The following TPR variants were observed in gnomAD, a reference collection of about 807,000 sequenced individuals.
TPR encodes the protein nucleoprotein TPR.
A neutral mutation model predicts 316.1 loss-of-function variants in TPR; 51 were observed. That is an observed-to-expected ratio of 0.16 (90% CI 0.13 to 0.20). The LOEUF (loss-of-function observed/expected upper bound fraction) is 0.20, where lower values mean the gene tolerates loss of function less well. Among genes scored for constraint, TPR ranks in the 10% least tolerant of loss-of-function variants. The pLI is 1.00. For synonymous variants in TPR, 981 were observed against 914.7 expected, an observed-to-expected ratio of 1.07 and a Z score of -1.31; for missense variants, 2,272 against 2,754.8, an observed-to-expected ratio of 0.82 and a Z score of 3.92.
chr1:186,351,594 A>C (rs1658863846), intron 19 of TPR, 124 bp from the exon 20 acceptor site: 1 of 1,004,962 alleles, frequency 1.0e-6, no homozygotes, highest in Non-Finnish European at 1.4e-6. Context: ...TAAAATCTAC[A>C]GTATTTATCA....
chr1:186,356,336 A>G lies in TPR; in HGVS notation c.1838T>C (p.Met613Thr). The change falls in exon 15 of 51, where the codon ATG becomes ACG. Residue 613 changes from methionine to threonine, a missense_variant. Transcript: ENST00000367478. ...TGTTTGTGACAATAAAATACGGTACATATCACGCTGACGAACTATGGAATC... is the reference window on the plus strand; with the variant it reads ...TGTTTGTGACAATAAAATACGGTACGTATCACGCTGACGAACTATGGAATC... ...LVDSIVRQRD[M>T]YRILLSQTTG... is the part of the protein sequence containing the mutation. The G allele has an allele frequency of 1.2e-6, 2 of 1,613,746 alleles. No individual in the cohort carries two copies. The highest frequency in any genetic ancestry group is 1.7e-6 in the Non-Finnish European group (2 of 1,179,774).
At chr1:186,343,204 T>C (rs1658562309) in intron 27 of TPR, 122 bp downstream of exon 27, 13 of 1,305,320 alleles carry the variant, frequency 1.0e-5, no homozygotes, top group Non-Finnish European at 1.3e-5. Context: ...GCTTAATGAA[T>C]TTACAAGTTT....
chr1:186,312,515 C>T lies in TPR; in HGVS notation c.*1456G>A. On this transcript the variant is annotated 3_prime_UTR_variant, in exon 51 of 51. Transcript: ENST00000367478. Reference sequence around the variant, plus strand: ...TACTGATGAAAAACTCATCCACTTGCCTTAGTGAATAACCAAAGACCAATA... The same window carrying T: ...TACTGATGAAAAACTCATCCACTTGTCTTAGTGAATAACCAAAGACCAATA... 1.0e-5 allele frequency: 9 copies of T among 884,190 alleles called. No individual in the cohort carries two copies. The highest frequency in any genetic ancestry group is 1.4e-5 in the Non-Finnish European group (8 of 587,524). 54.8% of individuals were successfully genotyped at this position (884,190 alleles called of 1,614,324 possible).
At chr1:186,338,336 T>A (rs1658401051) in intron 30 of TPR, 93 bp from the exon 31 acceptor site, 5 of 1,075,104 alleles carry the variant, frequency 4.7e-6, no homozygotes, top group Non-Finnish European at 6.5e-6. Flanking sequence ...ACTGCTTTAA[T>A]AACTTTTTTT....
chr1:186,342,747 CA>C (rs1658547154), intron 27 of TPR: 1 of 152,148 alleles, frequency 6.6e-6, no homozygotes, highest in Non-Finnish European at 1.5e-5. Flanking sequence ...TGAAGTAACT[CA>C]ACAATAAGCT....
Position 186,313,867 on chromosome 1 carries a change from A to G in TPR, c.*104T>C. ...CATTTTATTAATAAAGAATATTGAC[A>G]TGAGTATACCAGTTTATATATAAAA... On this transcript the variant is annotated 3_prime_UTR_variant, in exon 51 of 51. Transcript: ENST00000367478. 2 of 1,459,346 alleles carry G rather than the reference A, an allele frequency of 1.4e-6. No homozygotes were observed. The highest frequency in any genetic ancestry group is 3.4e-5 in the Admixed American group (2 of 59,638). The allele number at this position is 1,459,346 out of a possible 1,614,324, so 90.4% of individuals were successfully genotyped here.
rs1658654129 is a variant in TPR, at chr1:186,345,659, T to C, written c.3134A>G (p.Asn1045Ser). 1.2e-6 allele frequency: 2 copies of C among 1,613,290 alleles called. No homozygotes were observed. Among genetic ancestry groups the C allele is most frequent in the Non-Finnish European group, 1.7e-6 (2 of 1,179,676 alleles). Residue 1045 changes from asparagine (N) to serine (S), a missense_variant, in exon 24 of 51, where the codon AAT becomes AGT. By Grantham distance (46) the Asn-to-Ser change is conservative. This residue lies in a region of TPR where 757 missense variants were observed against 859.8 expected (regional missense o/e 0.88). Coordinates refer to ENST00000367478, the MANE Select transcript of TPR (RefSeq NM_003292.3). ...TCTCTGAAGAGCTTCTTGTACTTCA[T>C]TCTGAACACTAGAAAGTGTTTTCTT... The part of the protein sequence containing the change: ...ELKKTLSSVQ[N>S]EVQEALQRAS...
At chr1:186,372,450 A>C (rs2101995195) in intron 2 of TPR, among the ~76,000 whole-genome samples, 1 of 152,210 alleles carries the variant, frequency 6.6e-6, no homozygotes, top group South Asian at 2.1e-4. Flanking sequence ...GCTGAGGCGC[A>C]AGAATCGCTT....
chr1:186,312,932 T>A lies in TPR; in HGVS notation c.*1039A>T. ...CTAACAGTTTCCCAAGGAGGTGATATCATTTGTGAAAACATGAAGATAAAG... is the reference window on the plus strand; with the variant it reads ...CTAACAGTTTCCCAAGGAGGTGATAACATTTGTGAAAACATGAAGATAAAG... On this transcript the variant is annotated 3_prime_UTR_variant, in exon 51 of 51. Transcript: ENST00000367478. The A allele has an allele frequency of 6.3e-7, 1 of 1,585,864 alleles. No individual in the cohort carries two copies.
chr1:186,326,370 AT>A (rs1657932914), intron 40 of TPR, 135 bp from the exon 41 acceptor site: 1 of 1,347,702 alleles, frequency 7.4e-7, no homozygotes, highest in African/African-American at 1.5e-5. Flanking sequence ...GTTGTATGGG[AT>A]TAGTACAGCA....
Position 186,362,900 on chromosome 1 carries a change from A to C in TPR, c.633T>G (p.Leu211=). ...LKTKTDELLA[L]GREKGNEILE... ...GAATCTCATTCCCTTTTTCTCTTCCAAGAGCCAGAAGTTCATCAGTTTTGG... is the reference window on the plus strand; with the variant it reads ...GAATCTCATTCCCTTTTTCTCTTCCCAGAGCCAGAAGTTCATCAGTTTTGG... Residue 211 remains leucine, a synonymous_variant, in exon 6 of 51, where the codon CTT becomes CTG. Coordinates refer to ENST00000367478, the MANE Select transcript of TPR (RefSeq NM_003292.3). The C allele has an allele frequency of 6.2e-7, 1 of 1,611,052 alleles. No homozygotes were observed. The highest frequency in any genetic ancestry group is 8.5e-7 in the Non-Finnish European group (1 of 1,178,834).
intron 18 of TPR, among the ~76,000 whole-genome samples, chr1:186,353,470 C>A (rs973685867): frequency 6.6e-6 from 1 of 152,132 alleles, no homozygotes; most frequent in African/African-American, 2.4e-5. Flanking sequence ...TATCTTAGCC[C>A]AGCAGAAAAA....
Position 186,362,335 on chromosome 1 carries a change from C to T in TPR, c.742G>A (p.Glu248Lys). ...TCCTCCACATGCTTTTGAAGATGTT[C>T]ATTTGATGTTTTTAAGCCATTCATT... ...EQMNGLKTSN[E>K]HLQKHVEDLL... Residue 248 changes from glutamate (E) to lysine (K), a missense_variant, in exon 7 of 51, where the codon GAA (glutamate) becomes AAA (lysine). Transcript: ENST00000367478. The T allele has an allele frequency of 6.2e-7, 1 of 1,612,234 alleles. No individual in the cohort carries two copies. The highest frequency in any genetic ancestry group is 8.5e-7 in the Non-Finnish European group (1 of 1,178,826).
At chr1:186,336,876 A>T in intron 32 of TPR, 137 bp downstream of exon 32, 1 of 1,395,568 alleles carries the variant, frequency 7.2e-7, no homozygotes, top group South Asian at 1.3e-5. Context: ...TACTACTTAC[A>T]TACATGAGCC....
intron 3 of TPR, among the ~76,000 whole-genome samples, chr1:186,368,767 TC>T (rs1259562124): frequency 6.6e-6 from 1 of 152,194 alleles, no homozygotes; most frequent in Non-Finnish European, 1.5e-5. Context: ...TTGATGTAGT[TC>T]CGTTTATTTC....
chr1:186,350,450 A>C (rs1658825810), intron 20 of TPR, 62 bp from the exon 21 acceptor site: 3 of 1,266,606 alleles, frequency 2.4e-6, no homozygotes, highest in Admixed American at 2.9e-5. Context: ...GGTTCAAACT[A>C]TCTTTTTATA....
chr1:186,350,432 TA>T (rs1194337387), intron 20 of TPR, 44 bp from the exon 21 acceptor site: 3 of 1,373,510 alleles, frequency 2.2e-6, no homozygotes, highest in Non-Finnish European at 2.9e-6. Context: ...GGTTCCTAAG[TA>T]ACTAAAGGTT....
rs765927737 is a variant in TPR, at chr1:186,313,654, TA to T, written c.*316del. The stretch of plus-strand genomic sequence containing the variant: ...GTTTGGGCATTGTTTTCTTTTTAAC[TA>T]AAAAAATGTTTTCTCTTCCATTTAG... On this transcript the variant is annotated 3_prime_UTR_variant, in exon 51 of 51. Coordinates refer to ENST00000367478, the MANE Select transcript of TPR (RefSeq NM_003292.3). 5 of 1,412,792 alleles carry T rather than the reference TA, an allele frequency of 3.5e-6. No homozygotes were observed. Among genetic ancestry groups the T allele is most frequent in the Admixed American group, 3.4e-5 (2 of 59,618 alleles). The allele number at this position is 1,412,792 out of a possible 1,614,324, so 87.5% of individuals were successfully genotyped here. A position where few individuals can be genotyped will look rare whatever the true frequency, so the allele number is the denominator to read the frequency against.
chr1:186,344,292 C>A, intron 25 of TPR, 83 bp downstream of exon 25: 2 of 1,498,796 alleles, frequency 1.3e-6, no homozygotes, highest in Non-Finnish European at 1.8e-6. Flanking sequence ...CAGAGCGAGG[C>A]TCCATCTCAA....
Sources: gnomAD v4.1 joint callset for allele counts (sites outside exome capture counted in the v4.1 genomes callset) on GRCh38, gnomAD v4.1.1 for gene constraint, gnomAD v4.1.1 regional missense constraint, MANE v1.5 for transcripts, NCBI Gene and HGNC (gene_info 2026-07-23, HGNC 2026-07-21) for gene names.